Variants in C2CD2 observed in about 807,000 individuals in gnomAD.
The protein encoded by C2CD2 is C2 calcium dependent domain containing 2.
A neutral mutation model predicts 74.3 loss-of-function variants in C2CD2; 43 were observed. The observed-to-expected ratio is 0.58, with a 90% CI of 0.45 to 0.75. The LOEUF is 0.75. Among genes scored for constraint, C2CD2 ranks in the 30% least tolerant of loss-of-function variants. The probability of loss-of-function intolerance (pLI) is 0.00; values close to 1 mark genes in which losing one functional copy is unlikely to be tolerated. For synonymous variants in C2CD2, 422 were observed against 390.7 expected, an observed-to-expected ratio of 1.08 and a Z score of -0.94; for missense variants, 801 against 916.3, an observed-to-expected ratio of 0.87 and a Z score of 1.63.
chr21:41,935,882 A>G (rs937205123), intron 2 of C2CD2, among the ~76,000 whole-genome samples: 4 of 152,142 alleles, frequency 2.6e-5, no homozygotes, highest in Admixed American at 6.5e-5. Flanking sequence ...TGCTGGGAAA[A>G]CTGGCTATCC....
In C2CD2 at chr21:41,930,524, A is replaced by C. The variant is rs573115543; in HGVS notation, c.379-8439T>G. 9.0e-4 allele frequency among the ~76,000 whole-genome samples: 134 copies of C among 149,368 alleles called. 4 individuals carry two copies. Among genetic ancestry groups the C allele is most frequent in the Non-Finnish European group, 1.6e-3 (108 of 66,686 alleles). On this transcript the variant is annotated intron_variant, in intron 2 of 13. Transcript: ENST00000380486. ...GAGACCATCCTGGCTAACATGGTGA[A>C]ACTCCATCTCTACTAAAAATACAAC...
chr21:41,917,036 GC>G (rs979064854), intron 5 of C2CD2, among the ~76,000 whole-genome samples: 1 of 152,160 alleles, frequency 6.6e-6, no homozygotes, highest in African/African-American at 2.4e-5. Flanking sequence ...GAGGCTGAGT[GC>G]CCCCAGGCCT....
At chr21:41,927,934 T>C (rs2065229652) in intron 2 of C2CD2, among the ~76,000 whole-genome samples, 1 of 152,012 alleles carries the variant, frequency 6.6e-6, no homozygotes, top group South Asian at 2.1e-4. Context: ...CCAGCAACAC[T>C]CTCCTCCCTT....
rs550381296 is a variant in C2CD2, at chr21:41,925,536, A to C, written c.379-3451T>G. 2.0e-5 allele frequency among the ~76,000 whole-genome samples: 3 copies of C among 152,316 alleles called. No individual in the cohort carries two copies. The East Asian group carries it at 5.8e-4, about 29-fold the overall frequency. On this transcript the variant is annotated intron_variant, in intron 2 of 13. Coordinates refer to ENST00000380486, the MANE Select transcript of C2CD2 (RefSeq NM_015500.2). ...GCTCCTGCTCCACTTGGAGGGATAA[A>C]CATTAGGGCCAAGTCCTCTTCCAGC...
chr21:41,931,228 C>T (rs903270631), intron 2 of C2CD2, among the ~76,000 whole-genome samples: 13 of 150,258 alleles, frequency 8.7e-5, no homozygotes, highest in Admixed American at 7.3e-4. Flanking sequence ...TGGGCAGGAG[C>T]GTGCTTCCAC....
intron 2 of C2CD2, among the ~76,000 whole-genome samples, chr21:41,934,856 G>GTGT (rs562454605): frequency 9.7e-5 from 12 of 124,062 alleles, no homozygotes; most frequent in Non-Finnish European, 1.8e-4. Flanking sequence ...GCCTTGCCTC[G>GTGT]TTTTTTTTTT....
chr21:41,919,145 CTCA>C (rs772810108), intron 3 of C2CD2, 185 bp from the exon 4 acceptor site: 34 of 607,196 alleles, frequency 5.6e-5, no homozygotes, highest in Non-Finnish European at 9.2e-5. Flanking sequence ...AGCATGTGTG[CTCA>C]TGTGTGCATG....
At chr21:41,911,550 T>G (rs1291940666) in intron 7 of C2CD2, among the ~76,000 whole-genome samples, 1 of 151,926 alleles carries the variant, frequency 6.6e-6, no homozygotes, top group Non-Finnish European at 1.5e-5. Flanking sequence ...TGCCACCATG[T>G]CTGGCTAATT....
chr21:41,916,751 T>C (rs922361917), intron 5 of C2CD2, among the ~76,000 whole-genome samples: 1 of 151,970 alleles, frequency 6.6e-6, no homozygotes, highest in African/African-American at 2.4e-5. Context: ...CAATATAATA[T>C]ACATATATGC....
rs2065176374 is a variant in C2CD2 at position 41,923,369 on chromosome 21, C to T, written c.379-1284G>A. ...TGATTTTTAATTCCCCAAATGTTTC[C>T]ACATTCATACACAGTCAAAGCCATT... On this transcript the variant is annotated intron_variant, in intron 2 of 13. Coordinates refer to ENST00000380486, the MANE Select transcript of C2CD2 (RefSeq NM_015500.2). The surrounding 1 kb of genome is among the most constrained non-coding windows in gnomAD (Gnocchi z 5.8). Among the ~76,000 whole-genome samples, 1 of 152,136 alleles carries T rather than the reference C, an allele frequency of 6.6e-6. No individual in the cohort carries two copies. Among genetic ancestry groups the T allele is most frequent in the Non-Finnish European group, 1.5e-5 (1 of 68,026 alleles).
At chr21:41,913,209 TA>T (rs1426752402) in intron 6 of C2CD2, among the ~76,000 whole-genome samples, 1 of 152,246 alleles carries the variant, frequency 6.6e-6, no homozygotes, top group Non-Finnish European at 1.5e-5. Context: ...ACAGGTGCTG[TA>T]CCTGATACTA....
At chr21:41,902,922 T>C (rs1192502663) in intron 11 of C2CD2, among the ~76,000 whole-genome samples, 1 of 152,054 alleles carries the variant, frequency 6.6e-6, no homozygotes, top group African/African-American at 2.4e-5. Context: ...GCACCAACCC[T>C]GTGGTTAGAA....
Position 41,919,125 on chromosome 21 carries a change from T to G in C2CD2, c.493-165A>C, listed in dbSNP as rs2065127196. 7 of 627,334 alleles carry G rather than the reference T, an allele frequency of 1.1e-5. No homozygotes were observed. In the Admixed American group the frequency reaches 1.7e-4, roughly 15 times the overall value. The allele number at this position is 627,334 out of a possible 1,614,324, so 38.9% of individuals were successfully genotyped here. A position where few individuals can be genotyped will look rare whatever the true frequency, so the allele number is the denominator to read the frequency against. On this transcript the variant is annotated intron_variant, in intron 3 of 13. Transcript: ENST00000380486. ...ATGTGAGTGTGCGTGTATGCGCATG[T>G]GTGCATATGAGCATGTGTGCTCATG...
In C2CD2 at chr21:41,899,150, C is replaced by G; in HGVS notation, c.1773G>C (p.Ala591=). The change falls in exon 13 of 14, where the codon GCG becomes GCC. Residue 591 remains alanine (A), a synonymous_variant. Coordinates refer to ENST00000380486, the MANE Select transcript of C2CD2 (RefSeq NM_015500.2). This position sits in a 1 kb window ranked among gnomAD's most constrained non-coding sequence, Gnocchi z 4.4. ...CCAGCAGGACCTGGCTGCTCCATGCCGCGGCCTGTGGCTCCTTCTCCAAGT... is the reference window on the plus strand; with the variant it reads ...CCAGCAGGACCTGGCTGCTCCATGCGGCGGCCTGTGGCTCCTTCTCCAAGT... ...SWDLEKEPQA[A]AWSSQVLLDP... The G allele has an allele frequency of 6.2e-7, 1 of 1,613,656 alleles. No homozygotes were observed. The highest frequency in any genetic ancestry group is 8.5e-7 in the Non-Finnish European group (1 of 1,179,898).
intron 10 of C2CD2, among the ~76,000 whole-genome samples, chr21:41,906,370 T>G (rs2064962042): frequency 6.6e-6 from 1 of 152,206 alleles, no homozygotes; most frequent in African/African-American, 2.4e-5. Context: ...TGTTTTGTTT[T>G]GTTTTTGCTT....
Position 41,925,433 on chromosome 21 carries a change from G to A in C2CD2, c.379-3348C>T, listed in dbSNP as rs140104171. Among the ~76,000 whole-genome samples, 15 of 152,274 alleles carry A rather than the reference G, an allele frequency of 9.9e-5. 1 individual carries two copies. In the South Asian group the frequency reaches 1.2e-3, roughly 13 times the overall value. On this transcript the variant is annotated intron_variant, in intron 2 of 13. Transcript: ENST00000380486. ...CAAGGGTTTGAGGCTGCAGTGAGCC[G>A]TGATTGTGCCACTGCGTTCCAGCAG... is the stretch of plus-strand genomic sequence containing the variant.
chr21:41,937,919 C>G (rs1173255498), intron 2 of C2CD2, among the ~76,000 whole-genome samples: 1 of 152,042 alleles, frequency 6.6e-6, no homozygotes, highest in Non-Finnish European at 1.5e-5. Flanking sequence ...TCAAAGAAAC[C>G]AAGAGCAGAA....
rs1339712476 is a variant in C2CD2 at position 41,892,646 on chromosome 21, G to A, written c.1871-3302C>T. Among the ~76,000 whole-genome samples, 1 of 151,470 alleles carries A rather than the reference G, an allele frequency of 6.6e-6. No homozygotes were observed. The highest frequency in any genetic ancestry group is 1.5e-5 in the Non-Finnish European group (1 of 67,722). ...GAATCTGGCATGATGGGGGTCTGGG[G>A]ACACTGGGCATGAGCATTTTTCAAA... On this transcript the variant is annotated intron_variant, in intron 13 of 13. Transcript: ENST00000380486. This position sits in a 1 kb window ranked among gnomAD's most constrained non-coding sequence, Gnocchi z 4.6.
chr21:41,928,643 T>C (rs949629417), intron 2 of C2CD2, among the ~76,000 whole-genome samples: 6 of 145,506 alleles, frequency 4.1e-5, no homozygotes, highest in Non-Finnish European at 9.0e-5. Context: ...ATGGTGCCCA[T>C]ACCAAACAGG....
Sources: allele counts gnomAD v4.1 joint callset (sites outside exome capture counted in the v4.1 genomes callset), GRCh38; gene constraint gnomAD v4.1.1; non-coding constraint Gnocchi (gnomAD v3.1); transcripts MANE v1.5; gene names NCBI Gene and HGNC (gene_info 2026-07-23, HGNC 2026-07-21).